CYP2D6: variants seen among roughly 807,000 people sequenced by gnomAD.
CYP2D6 encodes the protein cytochrome P450 family 2 subfamily D member 6 (gene/pseudogene).
CYP2D6 carries 51 observed loss-of-function variants against 43.5 expected under a neutral mutation model. That is an observed-to-expected ratio of 1.17 (90% CI 0.94 to 1.48). The LOEUF (loss-of-function observed/expected upper bound fraction) is 1.48, where lower values mean the gene tolerates loss of function less well. Ranked by LOEUF, CYP2D6 falls within the 40% of genes most tolerant of loss-of-function variation. CYP2D6 has a pLI of 0.00. For synonymous variants in CYP2D6, 346 were observed against 297.1 expected (o/e 1.16, Z -1.69); for missense variants, 698 against 688.0 (o/e 1.01, Z -0.16).
At chr22:42,127,302 C>A in intron 7 of CYP2D6, 145 bp downstream of exon 7, 1 of 1,185,446 alleles carries the variant, frequency 8.4e-7, no homozygotes. Context: ...ACTCTGGACC[C>A]CCCACCCAAG....
In CYP2D6 at chr22:42,130,624, G is replaced by T. The variant is rs1386751325; in HGVS notation, c.168C>A (p.Tyr56Ter). 6.2e-7 allele frequency: 1 copy of T among 1,604,866 alleles called. No homozygotes were observed. ...LLHVDFQNTPYCFDQLRRRFG... is the reference protein window; with the variant it reads ...LLHVDFQNTP ...CCTCCTCCCTCACCTGGTCGAAGCA[G>T]TATGGTGTGTTCTGGAAGTCCACAT... is the stretch of plus-strand genomic sequence containing the variant. Residue 56 changes from tyrosine (Y) to a stop codon, truncating the protein, a stop_gained, in exon 1 of 9, where the codon TAC becomes TAA. Transcript: ENST00000645361. LOFTEE classifies it high-confidence loss of function.
In CYP2D6 at chr22:42,129,198, C is replaced by A; in HGVS notation, c.353-13G>T. On this transcript the variant is annotated splice_polypyrimidine_tract_variant and intron_variant, in intron 2 of 8. Coordinates refer to ENST00000645361, the MANE Select transcript of CYP2D6 (RefSeq NM_000106.6). ...GCCAGGAACACCCCTGGGGGTGGGA[C>A]GGGCACGTGCGCGTGGCCATGAAGG... is the stretch of plus-strand genomic sequence containing the variant. The A allele has an allele frequency of 1.2e-6, 2 of 1,600,568 alleles. No homozygotes were observed. Among genetic ancestry groups the A allele is most frequent in the Non-Finnish European group, 8.5e-7 (1 of 1,177,504 alleles).
rs989830149 is a variant in CYP2D6, at chr22:42,129,433, C to A, written c.353-248G>T. 10 of 758,590 alleles carry A rather than the reference C, an allele frequency of 1.3e-5. No homozygotes were observed. The Admixed American group carries it at 2.0e-4, about 15-fold the overall frequency. 47.0% of individuals were successfully genotyped at this position (758,590 alleles called of 1,614,324 possible). ...CCCCGCGGGCCCCGCGCCACCCACA[C>A]TGAGCTTACAGCACAGGTGCGGTCC... is the stretch of plus-strand genomic sequence containing the variant. On this transcript the variant is annotated intron_variant, in intron 2 of 8. Coordinates refer to ENST00000645361, the MANE Select transcript of CYP2D6 (RefSeq NM_000106.6).
Position 42,127,592 on chromosome 22 carries a change from C to T in CYP2D6, c.1028G>A (p.Arg343Gln), listed in dbSNP as rs764411864. The T allele has an allele frequency of 8.4e-5, 136 of 1,612,026 alleles. No individual in the cohort carries two copies. The highest frequency in any genetic ancestry group is 5.3e-4 in the South Asian group (48 of 90,934). ...QEIDDVIGQV[R>Q]RPEMGDQAHM... ...AGCCTGGTCACCCATCTCTGGTCGCCGCACCTGCCCTATCACGTCGTCGAT... is the reference window on the plus strand; with the variant it reads ...AGCCTGGTCACCCATCTCTGGTCGCTGCACCTGCCCTATCACGTCGTCGAT... The change falls in exon 7 of 9, where the codon CGG becomes CAG. Residue 343 changes from arginine to glutamine, a missense_variant. Arg to Gln is a conservative substitution (Grantham distance 43). Transcript: ENST00000645361.
In CYP2D6 at chr22:42,128,261, A is replaced by T. The variant is rs375279205; in HGVS notation, c.756T>A (p.Asp252Glu). The part of the protein sequence containing the change: ...RFQKAFLTQL[D>E]ELLTEHRMTW... ...TCATCCTGTGCTCAGTTAGCAGCTC[A>T]TCCAGCTGGGTCAGGAAAGCCTTTT... Residue 252 changes from aspartate to glutamate, a missense_variant, in exon 5 of 9, where the codon GAT becomes GAA. Physicochemically the swap from Asp to Glu is conservative, Grantham distance 45 (BLOSUM62 2). Around this residue, in one of 5 missense-constraint regions of CYP2D6, gnomAD observed 588 missense variants for 521.1 expected, o/e 1.13. Transcript: ENST00000645361. The T allele has an allele frequency of 1.9e-6, 3 of 1,608,986 alleles. No individual in the cohort carries two copies. The highest frequency in any genetic ancestry group is 2.5e-6 in the Non-Finnish European group (3 of 1,176,502).
Position 42,127,909 on chromosome 22 carries a change from C to G in CYP2D6, c.918G>C (p.Gly306=). ...RIVVADLFSA[G]MVTTSTTLAW... is the part of the protein sequence containing the mutation. ...CCAGCGTGGTCGAGGTGGTCACCAT[C>G]CCGGCAGAGAACAGGTCAGCCACCA... The change falls in exon 6 of 9, where the codon GGG becomes GGC. Residue 306 remains glycine (G), a synonymous_variant. Coordinates refer to ENST00000645361, the MANE Select transcript of CYP2D6 (RefSeq NM_000106.6). 2 of 1,611,118 alleles carry G rather than the reference C, an allele frequency of 1.2e-6. No homozygotes were observed. The highest frequency in any genetic ancestry group is 2.2e-5 in the South Asian group (2 of 90,922).
Position 42,127,697 on chromosome 22 carries a change from C to T in CYP2D6, c.986-63G>A. 32 of 1,582,758 alleles carry T rather than the reference C, an allele frequency of 2.0e-5. 1 individual carries two copies. In the South Asian group the frequency reaches 3.2e-4, roughly 16 times the overall value. Reference sequence around the variant, plus strand: ...AGGGGGTCCGGCCCTGACACTCCTTCTTGCCTCCTATGTTGGAGGAGGTCA... The same window carrying T: ...AGGGGGTCCGGCCCTGACACTCCTTTTTGCCTCCTATGTTGGAGGAGGTCA... On this transcript the variant is annotated intron_variant, in intron 6 of 8. Transcript: ENST00000645361.
chr22:42,128,460 A>C lies in CYP2D6; in HGVS notation c.667-110T>G. ...GACCCAGGGCCTGCCTGTCCTTACC[A>C]CTGACCTCACCAAGTCCCTCCCCAA... On this transcript the variant is annotated intron_variant, in intron 4 of 8. Coordinates refer to ENST00000645361, the MANE Select transcript of CYP2D6 (RefSeq NM_000106.6). 6 of 1,272,698 alleles carry C rather than the reference A, an allele frequency of 4.7e-6. 1 individual carries two copies. In the Admixed American group the frequency reaches 1.1e-4, roughly 24 times the overall value. 78.8% of individuals were successfully genotyped at this position (1,272,698 alleles called of 1,614,324 possible).
intron 2 of CYP2D6, 36 bp from the exon 3 acceptor site, chr22:42,129,221 A>C (rs1385218022): frequency 6.3e-7 from 1 of 1,594,754 alleles, no homozygotes; most frequent in Non-Finnish European, 8.5e-7. Context: ...GTGGCCATGA[A>C]GGCATTAGCC....
Position 42,129,660 on chromosome 22 carries a change from C to T in CYP2D6, c.352+78G>A, listed in dbSNP as rs571778503. On this transcript the variant is annotated intron_variant, in intron 2 of 8. Coordinates refer to ENST00000645361, the MANE Select transcript of CYP2D6 (RefSeq NM_000106.6). ...TGTTTCATGTCCACGACCCCGCGCC[C>T]TCTCTGCCCAGCTCGGACTACGGTC... 5.1e-6 allele frequency: 8 copies of T among 1,578,912 alleles called. 1 individual carries two copies. The African/African-American group carries it at 8.1e-5, about 16-fold the overall frequency.
chr22:42,128,033 T>C, intron 5 of CYP2D6, 50 bp from the exon 6 acceptor site: 2 of 1,609,592 alleles, frequency 1.2e-6, no homozygotes, highest in Non-Finnish European at 8.5e-7. Context: ...AGCCCCCAAA[T>C]GACCTCCAAT....
At chr22:42,129,343 G>A in intron 2 of CYP2D6, 158 bp from the exon 3 acceptor site, 1 of 1,073,574 alleles carries the variant, frequency 9.3e-7, no homozygotes, top group Non-Finnish European at 1.4e-6. Flanking sequence ...TGCTCCCTTG[G>A]CTGGGGCAGG....
At position 42,127,748 on chromosome 22, in the gene CYP2D6, G is replaced by A. The variant is rs952762122; in HGVS notation, c.985+94C>T. 1.3e-5 allele frequency: 21 copies of A among 1,573,650 alleles called. 1 individual carries two copies. Among genetic ancestry groups the A allele is most frequent in the Non-Finnish European group, 1.8e-5 (21 of 1,144,380 alleles). On this transcript the variant is annotated intron_variant, in intron 6 of 8. Transcript: ENST00000645361. ...GGCTTACAGGATCCTGGTCAAGCCT[G>A]TGCTTGGAGCCCCGGGTGTCCCAGC...
chr22:42,128,763 C>A, intron 4 of CYP2D6, 21 bp downstream of exon 4: 1 of 1,588,502 alleles, frequency 6.3e-7, no homozygotes, highest in Non-Finnish European at 8.6e-7. Context: ...TGCAGAGACT[C>A]CTCGGTCTCT....
chr22:42,129,151 G>A lies in CYP2D6; in HGVS notation c.387C>T (p.Arg129=), dbSNP rs779123374. The A allele has an allele frequency of 4.4e-6, 7 of 1,608,292 alleles. No homozygotes were observed. In the South Asian group the frequency reaches 4.4e-5, roughly 10 times the overall value. ...TGGACACGGAGAAGCGCCTCTGCTC[G>A]CGCCACGCGGGCCCATAGCGCGCCA... is the stretch of plus-strand genomic sequence containing the variant. ...VFLARYGPAW[R]EQRRFSVSTL... Residue 129 remains arginine (R), a synonymous_variant, in exon 3 of 9, where the codon CGC becomes CGT. Coordinates refer to ENST00000645361, the MANE Select transcript of CYP2D6 (RefSeq NM_000106.6).
intron 1 of CYP2D6, 130 bp downstream of exon 1, chr22:42,130,482 C>A (rs28371699): frequency 0.56 from 590,160 of 1,048,700 alleles, 175,045 homozygotes; most frequent in African/African-American, 0.74. Context: ...TTCTCCAGGA[C>A]GTCCCCCAAA....
At chr22:42,127,110 C>A (rs1185887472) in intron 7 of CYP2D6, 118 bp from the exon 8 acceptor site, 6 of 1,318,022 alleles carry the variant, frequency 4.6e-6, no homozygotes, top group Non-Finnish European at 6.4e-6. Context: ...GTCAACTAGT[C>A]CTGCGCCCGA....
At position 42,129,086 on chromosome 22, in the gene CYP2D6, T is replaced by C. The variant is rs770277909; in HGVS notation, c.452A>G (p.Gln151Arg). 3.9e-5 allele frequency: 62 copies of C among 1,610,058 alleles called. 1 individual carries two copies. The highest frequency in any genetic ancestry group is 4.7e-5 in the Non-Finnish European group (55 of 1,177,804). The change falls in exon 3 of 9, where the codon CAG becomes CGG. Residue 151 changes from glutamine to arginine, a missense_variant. Gln to Arg is a conservative substitution (Grantham distance 43). Around this residue, in one of 5 missense-constraint regions of CYP2D6, gnomAD observed 588 missense variants for 521.1 expected, o/e 1.13. Transcript: ENST00000645361. ...GCAGGCGGCCTCCTCGGTCACCCAC[T>C]GCTCCAGCGACTTCTTGCCCAGGCC... is the stretch of plus-strand genomic sequence containing the variant. ...NLGLGKKSLE[Q>R]WVTEEAACLC...
At position 42,128,129 on chromosome 22, in the gene CYP2D6, G is replaced by A. The variant is rs747970764; in HGVS notation, c.843+45C>T. The stretch of plus-strand genomic sequence containing the variant: ...AGCCTCCCCTCATTCCTCCTGGGAC[G>A]CTCAACCCACCACCCTTGCCCCCCA... On this transcript the variant is annotated intron_variant, in intron 5 of 8. Transcript: ENST00000645361. 30 of 1,581,256 alleles carry A rather than the reference G, an allele frequency of 1.9e-5. 1 individual carries two copies. In the Admixed American group the frequency reaches 2.5e-4, roughly 13 times the overall value.
Sources: allele counts gnomAD v4.1 joint callset, GRCh38; gene constraint gnomAD v4.1.1; regional missense constraint gnomAD v4.1.1; transcripts MANE v1.5; gene names NCBI Gene and HGNC (gene_info 2026-07-23, HGNC 2026-07-21).